LIPE: variants seen among roughly 807,000 people sequenced by gnomAD.
The protein encoded by LIPE is hormone-sensitive lipase.
In LIPE, 66 loss-of-function variants were observed where a neutral mutation model predicts 88.5. That is an observed-to-expected ratio of 0.75 (90% confidence interval 0.61 to 0.91). The LOEUF (loss-of-function observed/expected upper bound fraction) is 0.91, where lower values mean the gene tolerates loss of function less well. Ranked by LOEUF, LIPE falls within the 40% of genes least tolerant of loss-of-function variation. The pLI is 0.00. For synonymous variants in LIPE, 570 were observed against 617.5 expected, an observed-to-expected ratio of 0.92 and a Z score of 1.14; for missense variants, 1,346 against 1,434.7, an observed-to-expected ratio of 0.94 and a Z score of 1.00.
Position 42,427,310 on chromosome 19 carries a change from C to A in LIPE, c.-161G>T. 1 of 1,375,200 alleles carries A rather than the reference C, an allele frequency of 7.3e-7. No homozygotes were observed. Among genetic ancestry groups the A allele is most frequent in the Admixed American group, 3.1e-5 (1 of 32,474 alleles). 85.2% of individuals were successfully genotyped at this position (1,375,200 alleles called of 1,614,324 possible). A position where few individuals can be genotyped will look rare whatever the true frequency, so the allele number is the denominator to read the frequency against. On this transcript the variant is annotated 5_prime_UTR_variant, in exon 1 of 10. Transcript: ENST00000244289. The stretch of plus-strand genomic sequence containing the variant: ...TCACTGGTCTTCCTTTTTAAGGCAG[C>A]TGGCAGTTGGCCGATCACAGCTGGC...
chr19:42,404,707 G>A (rs2040113482), intron 8 of LIPE, among the ~76,000 whole-genome samples: 1 of 152,202 alleles, frequency 6.6e-6, no homozygotes, highest in Admixed American at 6.5e-5. Context: ...GCAAAACAAT[G>A]TGAGAATAAC....
intron 1 of LIPE, among the ~76,000 whole-genome samples, chr19:42,417,232 TA>T (rs1400886698): frequency 1.3e-5 from 2 of 152,144 alleles, no homozygotes; most frequent in African/African-American, 4.8e-5. Context: ...TTTCAACTTT[TA>T]AGTCTTATTA....
Position 42,401,734 on chromosome 19 carries a change from G to T in LIPE, c.*78C>A. 1 of 297,874 alleles carries T rather than the reference G, an allele frequency of 3.4e-6. No individual in the cohort carries two copies. The highest frequency in any genetic ancestry group is 4.9e-6 in the Non-Finnish European group (1 of 206,064). The allele number at this position is 297,874 out of a possible 1,614,324, so 18.5% of individuals were successfully genotyped here. On this transcript the variant is annotated 3_prime_UTR_variant, in exon 10 of 10. Transcript: ENST00000244289. ...CCCTTGCCACCCCCGACTTAAGTAA[G>T]GCACAGCCCGCGTCCCCTTCCGCCC...
chr19:42,424,243 A>G (rs1264231229), intron 1 of LIPE: 6 of 639,724 alleles, frequency 9.4e-6, no homozygotes, highest in Non-Finnish European at 1.5e-5. Flanking sequence ...GCGCCTGCGC[A>G]CTAGCTTCAG....
chr19:42,401,841 C>T lies in LIPE; in HGVS notation c.3202G>A (p.Val1068Ile), dbSNP rs1363597706. Residue 1068 changes from valine (V) to isoleucine (I), a missense_variant, in exon 10 of 10, where the codon GTA (valine) becomes ATA (isoleucine). By Grantham distance (29) the Val-to-Ile change is conservative. Transcript: ENST00000244289. ...TGTCGCCCCCCGCAGCCCCCGTCTA[C>T]CCCCGCAGCCCCCGTCTCCCCGCTC... ...GPSGETGAAG[V>I]DGGCGGRH 2 of 1,085,970 alleles carry T rather than the reference C, an allele frequency of 1.8e-6. No individual in the cohort carries two copies. Among genetic ancestry groups the T allele is most frequent in the African/African-American group, 1.6e-5 (1 of 61,774 alleles). The allele number at this position is 1,085,970 out of a possible 1,614,324, so 67.3% of individuals were successfully genotyped here. A position where few individuals can be genotyped will look rare whatever the true frequency, so the allele number is the denominator to read the frequency against.
At chr19:42,405,756 G>A in intron 7 of LIPE, 195 bp from the exon 8 acceptor site, 1 of 601,392 alleles carries the variant, frequency 1.7e-6, no homozygotes, top group Non-Finnish European at 2.9e-6. Flanking sequence ...GATGGCTTGA[G>A]CCCAGGAGTT....
rs1265746010 is a variant in LIPE, at chr19:42,408,605, G to C, written c.1420-283C>G. Among the ~76,000 whole-genome samples the C allele has an allele frequency of 6.6e-6, 1 of 151,714 alleles. No homozygotes were observed. The highest frequency in any genetic ancestry group is 1.9e-4 in the East Asian group (1 of 5,172). ...AGTAGGTGGAGAGGGCACCAGTGAT[G>C]ACTAGGGGTCAGGCTACTTAGCGGG... On this transcript the variant is annotated intron_variant, in intron 2 of 9. Coordinates refer to ENST00000244289, the MANE Select transcript of LIPE (RefSeq NM_005357.4). The surrounding 1 kb of genome is among the most constrained non-coding windows in gnomAD (Gnocchi z 4.3).
At chr19:42,422,658 C>T (rs918675433) in intron 1 of LIPE, among the ~76,000 whole-genome samples, 1 of 152,186 alleles carries the variant, frequency 6.6e-6, no homozygotes, top group African/African-American at 2.4e-5. Flanking sequence ...TGAGGACCTG[C>T]CCCTGCCTGA....
chr19:42,407,560 C>A lies in LIPE; in HGVS notation c.1842+46G>T. 1 of 1,576,912 alleles carries A rather than the reference C, an allele frequency of 6.3e-7. No individual in the cohort carries two copies. Reference sequence around the variant, plus strand: ...GGGATGCCAAGGTGGGGGCTGCCCACGCTCCTCGGCTCTGTCCCTGTCCCT... The same window carrying A: ...GGGATGCCAAGGTGGGGGCTGCCCAAGCTCCTCGGCTCTGTCCCTGTCCCT... On this transcript the variant is annotated intron_variant, in intron 5 of 9. Transcript: ENST00000244289. This position sits in a 1 kb window ranked among gnomAD's most constrained non-coding sequence, Gnocchi z 5.8.
intron 8 of LIPE, among the ~76,000 whole-genome samples, chr19:42,404,300 C>T (rs897006100): frequency 2.4e-4 from 36 of 150,944 alleles, no homozygotes; most frequent in African/African-American, 7.6e-4. Flanking sequence ...GGCGTGATCT[C>T]GGCTCACTGC....
chr19:42,424,152 G>GAGAAAGATCCCCCA, intron 1 of LIPE: 2 of 1,183,534 alleles, frequency 1.7e-6, no homozygotes, highest in Non-Finnish European at 2.2e-6. Flanking sequence ...CTTTTCCTGG[G>GAGAAAGATCCCCCA]GGATCTTTCT....
At chr19:42,405,737 A>G (rs368282465) in intron 7 of LIPE, 176 bp from the exon 8 acceptor site, 36 of 629,220 alleles carry the variant, frequency 5.7e-5, no homozygotes, top group South Asian at 3.2e-4. Context: ...TGGGAGGCCA[A>G]GGCGAGAGGA....
intron 1 of LIPE, among the ~76,000 whole-genome samples, chr19:42,425,712 A>G (rs2040694689): frequency 6.6e-6 from 1 of 152,076 alleles, no homozygotes; most frequent in Admixed American, 6.5e-5. Flanking sequence ...CCGGAGGCTG[A>G]GGTATGAGGA....
intron 1 of LIPE, among the ~76,000 whole-genome samples, chr19:42,415,595 A>G (rs1600135715): frequency 6.6e-6 from 1 of 151,802 alleles, no homozygotes; most frequent in Non-Finnish European, 1.5e-5. Context: ...CGGATCACGA[A>G]GTCAGGAGAT....
chr19:42,408,396 A>ATCCC lies in LIPE; in HGVS notation c.1420-75_1420-74insGGGA. 8.5e-7 allele frequency: 1 copy of ATCCC among 1,181,050 alleles called. No individual in the cohort carries two copies. The highest frequency in any genetic ancestry group is 1.5e-5 in the African/African-American group (1 of 66,614). 73.2% of individuals were successfully genotyped at this position (1,181,050 alleles called of 1,614,324 possible). On this transcript the variant is annotated intron_variant, in intron 2 of 9. Transcript: ENST00000244289. This position sits in a 1 kb window ranked among gnomAD's most constrained non-coding sequence, Gnocchi z 4.3. ...GACAGGGCAGGAGCGAGGCACAGGG[A>ATCCC]TGTGCGGGGAAGACACATTCATTCA...
chr19:42,423,821 C>T (rs2040653217), intron 1 of LIPE: 1 of 1,119,278 alleles, frequency 8.9e-7, no homozygotes, highest in South Asian at 2.1e-5. Context: ...TCGGGCAGGA[C>T]TAGTGCGGAG....
chr19:42,401,925 C>A lies in LIPE; in HGVS notation c.3118G>T (p.Ala1040Ser), dbSNP rs1448840048. 4.5e-6 allele frequency: 7 copies of A among 1,554,204 alleles called. No individual in the cohort carries two copies. The East Asian group carries it at 1.7e-4, about 37-fold the overall frequency. ...AALCRETRQA[A>S]ELCVERIRLV... ...CGGATGCGCTCCACGCACAGCTCTG[C>A]GGCCTGGCGCGTCTCGCGGCACAGC... Residue 1040 changes from alanine to serine, a missense_variant, in exon 10 of 10, where the codon GCA (alanine) becomes TCA (serine). Ala to Ser is a moderately conservative substitution (Grantham distance 99). Transcript: ENST00000244289.
At position 42,402,796 on chromosome 19, in the gene LIPE, A is replaced by T. The variant is rs1600101235; in HGVS notation, c.2778T>A (p.Asn926Lys). 6.2e-7 allele frequency: 1 copy of T among 1,610,848 alleles called. No individual in the cohort carries two copies. The change falls in exon 9 of 10, where the codon AAT becomes AAA. Residue 926 changes from asparagine to lysine, a missense_variant. By Grantham distance (94) the Asn-to-Lys change is moderately conservative (BLOSUM62 0). Transcript: ENST00000244289. Reference sequence around the variant, plus strand: ...GGCCTCTGTCCATGGGGCTCAGCTCATTTTTGGCCTCAGCCTCTTCCCCTG... The same window carrying T: ...GGCCTCTGTCCATGGGGCTCAGCTCTTTTTTGGCCTCAGCCTCTTCCCCTG... ...EDAGEEAEAK[N>K]ELSPMDRGLG...
chr19:42,423,698 G>A, intron 1 of LIPE: 1 of 1,138,622 alleles, frequency 8.8e-7, no homozygotes, highest in South Asian at 1.8e-5. Context: ...TCCCTCCGCT[G>A]CCGTGCTCCG....
Sources: gnomAD v4.1 joint callset for allele counts (sites outside exome capture counted in the v4.1 genomes callset) on GRCh38, gnomAD v4.1.1 for gene constraint, Gnocchi (gnomAD v3.1) non-coding constraint, MANE v1.5 for transcripts, NCBI Gene and HGNC (gene_info 2026-07-23, HGNC 2026-07-21) for gene names.